The following ACYP2 variants were observed in gnomAD, a reference collection of about 807,000 sequenced individuals.
The protein encoded by ACYP2 is acylphosphatase 2.
ACYP2 carries 12 observed loss-of-function variants against 11.2 expected under a neutral mutation model. That is an observed-to-expected ratio of 1.08 (90% CI 0.69 to 1.74). The LOEUF (loss-of-function observed/expected upper bound fraction) is 1.74. Among genes scored for constraint, ACYP2 ranks in the 40% most tolerant of loss-of-function variants. The pLI is 0.00. For synonymous variants in ACYP2, 43 were observed against 32.2 expected, an observed-to-expected ratio of 1.33 and a Z score of -1.13; for missense variants, 134 against 101.9, an observed-to-expected ratio of 1.31 and a Z score of -1.35.
chr2:54,101,889 T>C (rs1321989256), intron 4 of ACYP2, among the ~76,000 whole-genome samples: 1 of 152,210 alleles, frequency 6.6e-6, no homozygotes, highest in Non-Finnish European at 1.5e-5. Flanking sequence ...TGGATTAGTG[T>C]GATACATTTG....
chr2:54,298,815 G>A (rs1689616518), intron 6 of ACYP2, among the ~76,000 whole-genome samples: 2 of 151,348 alleles, frequency 1.3e-5, no homozygotes. Flanking sequence ...GCAGTGGTGT[G>A]ATCTCGGCTC....
At chr2:54,065,411 C>T (rs1291365645) in intron 4 of ACYP2, 1 of 398,428 alleles carries the variant, frequency 2.5e-6, no homozygotes, top group Non-Finnish European at 4.4e-6. Flanking sequence ...TATATACATA[C>T]ATAAACTTGT....
At chr2:54,201,648 T>TTC (rs1455305214) in intron 6 of ACYP2, among the ~76,000 whole-genome samples, 1 of 91,780 alleles carries the variant, frequency 1.1e-5, no homozygotes, top group Admixed American at 1.0e-4. Flanking sequence ...CTTTCTTTCT[T>TTC]TCTTTCTTTC....
intron 2 of ACYP2, among the ~76,000 whole-genome samples, chr2:54,049,801 C>T (rs112922027): frequency 1.8e-4 from 28 of 152,320 alleles, no homozygotes; most frequent in African/African-American, 6.5e-4. Context: ...ATTGGCTCCA[C>T]ATCCCTCTTG....
chr2:54,284,699 C>G (rs1448801288), intron 6 of ACYP2, among the ~76,000 whole-genome samples: 1 of 152,170 alleles, frequency 6.6e-6, no homozygotes, highest in Non-Finnish European at 1.5e-5. Flanking sequence ...TATAGCACAT[C>G]TCCTTGATAA....
At chr2:54,105,944 C>T (rs189238991) in intron 4 of ACYP2, among the ~76,000 whole-genome samples, 69 of 151,782 alleles carry the variant, frequency 4.5e-4, no homozygotes, top group Admixed American at 9.9e-4. Context: ...CGCAAAAGGC[C>T]GGATTCTAGA....
At chr2:54,109,876 C>T (rs1234898462) in intron 4 of ACYP2, among the ~76,000 whole-genome samples, 3 of 151,960 alleles carry the variant, frequency 2.0e-5, no homozygotes. Context: ...GAACCAATAT[C>T]AATATCTCAT....
intron 6 of ACYP2, among the ~76,000 whole-genome samples, chr2:54,160,327 C>G (rs769152041): frequency 3.3e-5 from 5 of 152,102 alleles, no homozygotes; most frequent in Non-Finnish European, 7.3e-5. Flanking sequence ...AAACTCTTTC[C>G]CAGAAGCTGG....
intron 6 of ACYP2, among the ~76,000 whole-genome samples, chr2:54,264,071 C>T (rs1687906129): frequency 6.6e-6 from 1 of 152,114 alleles, no homozygotes; most frequent in African/African-American, 2.4e-5. Flanking sequence ...AAGAATGAAA[C>T]GACGGACCCT....
intron 4 of ACYP2, among the ~76,000 whole-genome samples, chr2:54,063,216 G>A (rs1249362921): frequency 2.6e-5 from 4 of 151,982 alleles, no homozygotes. Context: ...GAATTCCTGG[G>A]TTCAAGCGAT....
At chr2:54,094,481 G>A (rs758858724) in intron 4 of ACYP2, among the ~76,000 whole-genome samples, 21 of 151,640 alleles carry the variant, frequency 1.4e-4, no homozygotes, top group Non-Finnish European at 2.2e-4. Flanking sequence ...TACCCACCTC[G>A]GCCTCCCAAA....
At chr2:54,221,222 C>G (rs928937291) in intron 6 of ACYP2, among the ~76,000 whole-genome samples, 2 of 152,192 alleles carry the variant, frequency 1.3e-5, no homozygotes, top group East Asian at 1.9e-4. Flanking sequence ...ATCAGTCAAA[C>G]TGTAGTCAAC....
chr2:54,124,858 A>C (rs1180122813), intron 4 of ACYP2, among the ~76,000 whole-genome samples: 1 of 152,088 alleles, frequency 6.6e-6, no homozygotes. Context: ...AAGTGCTATC[A>C]TGTGCTATCT....
chr2:54,289,758 T>C (rs1689222542), intron 6 of ACYP2, among the ~76,000 whole-genome samples: 1 of 151,584 alleles, frequency 6.6e-6, no homozygotes, highest in Admixed American at 6.6e-5. Context: ...CATAGGAGAA[T>C]CTAAAAAAAA....
intron 4 of ACYP2, among the ~76,000 whole-genome samples, chr2:54,134,507 A>T (rs968058085): frequency 6.6e-6 from 1 of 152,206 alleles, no homozygotes; most frequent in Non-Finnish European, 1.5e-5. Context: ...ATTTTATGCC[A>T]AGTATACTCA....
intron 6 of ACYP2, among the ~76,000 whole-genome samples, chr2:54,295,485 G>T (rs1363577542): frequency 1.3e-5 from 2 of 152,150 alleles, no homozygotes; most frequent in African/African-American, 4.8e-5. Context: ...TAGCATTCAG[G>T]GTTCCTTTCT....
chr2:54,115,798 G>A, intron 4 of ACYP2, 42 bp downstream of exon 1: 1 of 1,545,788 alleles, frequency 6.5e-7, no homozygotes, highest in Non-Finnish European at 8.7e-7. Flanking sequence ...AAGGTTATGG[G>A]AGGAAGGGGA....
intron 2 of ACYP2, among the ~76,000 whole-genome samples, chr2:53,995,067 G>T (rs1672506684): frequency 1.3e-5 from 2 of 152,172 alleles, no homozygotes; most frequent in South Asian, 2.1e-4. Flanking sequence ...ATATTCAAAA[G>T]AAATTTTAAG....
intron 4 of ACYP2, among the ~76,000 whole-genome samples, chr2:54,123,719 C>G (rs1680288913): frequency 6.6e-6 from 1 of 152,040 alleles, no homozygotes; most frequent in Non-Finnish European, 1.5e-5. Flanking sequence ...CTCAAGATTT[C>G]AAGATTGCTG....
Sources: allele counts gnomAD v4.1 joint callset (sites outside exome capture counted in the v4.1 genomes callset), GRCh38; gene constraint gnomAD v4.1.1; transcripts MANE v1.5; gene names NCBI Gene and HGNC (gene_info 2026-07-23, HGNC 2026-07-21).